Variants in TMEM200A observed in about 807,000 individuals in gnomAD.
TMEM200A encodes two transmembrane C.
A neutral mutation model predicts 24.3 loss-of-function variants in TMEM200A; 12 were observed. The ratio of observed to expected loss-of-function variants is 0.49; its 90% CI spans 0.32 to 0.80. TMEM200A has a LOEUF of 0.80. Among genes scored for constraint, TMEM200A ranks in the 30% least tolerant of loss-of-function variants. The pLI, the probability that TMEM200A is intolerant of heterozygous loss-of-function variation, is 0.04. For missense variants in TMEM200A, 545 were observed against 614.4 expected, an observed-to-expected ratio of 0.89 and a Z score of 1.19; for synonymous variants, 224 against 224.4, an observed-to-expected ratio of 1.00 and a Z score of 0.02.
chr6:130,434,641 A>T (rs996397208), intron 2 of TMEM200A, among the ~76,000 whole-genome samples: 2 of 152,208 alleles, frequency 1.3e-5, no homozygotes, highest in African/African-American at 4.8e-5. Context: ...TTTTAAGATT[A>T]GTATGAGAAC....
chr6:130,407,782 A>T (rs544503076), intron 2 of TMEM200A, among the ~76,000 whole-genome samples: 1 of 152,350 alleles, frequency 6.6e-6, no homozygotes, highest in South Asian at 2.1e-4. Flanking sequence ...AAAGTTATAT[A>T]AAGGGTCATA....
At chr6:130,437,100 G>A (rs1363481537) in intron 2 of TMEM200A, 1 of 152,084 alleles carries the variant, frequency 6.6e-6, no homozygotes, top group African/African-American at 2.4e-5. Flanking sequence ...CAACTCCATG[G>A]CAGATGTGTA....
chr6:130,366,188 C>T lies in TMEM200A; in HGVS notation c.-417C>T, dbSNP rs1266509823. On this transcript the variant is annotated 5_prime_UTR_variant, in exon 1 of 3. Coordinates refer to ENST00000296978, the MANE Select transcript of TMEM200A (RefSeq NM_001258277.2). The surrounding 1 kb of genome is among the most constrained non-coding windows in gnomAD (Gnocchi z 4.4). The stretch of plus-strand genomic sequence containing the variant: ...GGACTCTGCGCCCGGATGGCGGCGG[C>T]CCTCTGTGAGCACCGGCAGCGGCGC... 4.1e-6 allele frequency: 4 copies of T among 985,148 alleles called. No individual in the cohort carries two copies. Among genetic ancestry groups the T allele is most frequent in the East Asian group, 2.3e-4 (2 of 8,798 alleles). The allele number at this position is 985,148 out of a possible 1,614,324, so 61.0% of individuals were successfully genotyped here.
intron 2 of TMEM200A, among the ~76,000 whole-genome samples, chr6:130,405,134 A>G (rs1419645523): frequency 6.6e-6 from 1 of 152,110 alleles, no homozygotes; most frequent in Non-Finnish European, 1.5e-5. Context: ...TGCCTTGGCT[A>G]TTGGAGCTCT....
At chr6:130,396,959 T>G (rs922807079) in intron 2 of TMEM200A, among the ~76,000 whole-genome samples, 7 of 152,210 alleles carry the variant, frequency 4.6e-5, no homozygotes, top group Non-Finnish European at 8.8e-5. Context: ...ACTTTCTGTT[T>G]GTACTTACAA....
chr6:130,427,943 G>A (rs1013554487), intron 2 of TMEM200A, among the ~76,000 whole-genome samples: 2 of 152,080 alleles, frequency 1.3e-5, no homozygotes, highest in South Asian at 4.1e-4. Flanking sequence ...ATTATAAAGT[G>A]TAGAAGATAC....
chr6:130,385,063 C>G (rs1344638479), intron 1 of TMEM200A, 110 bp from the exon 2 acceptor site: 5 of 152,160 alleles, frequency 3.3e-5, no homozygotes, highest in Admixed American at 3.3e-4. Context: ...AGTAGTCAGA[C>G]AGAAAAAAGT....
intron 2 of TMEM200A, among the ~76,000 whole-genome samples, chr6:130,434,089 A>C (rs1779943198): frequency 6.6e-6 from 1 of 152,194 alleles, no homozygotes; most frequent in Non-Finnish European, 1.5e-5. Flanking sequence ...CCTTGAAATC[A>C]GGGATGAGGT....
Position 130,366,089 on chromosome 6 carries a change from C to A in TMEM200A, c.-516C>A. 1.0e-6 allele frequency: 1 copy of A among 985,694 alleles called. No homozygotes were observed. Among genetic ancestry groups the A allele is most frequent in the Non-Finnish European group, 1.2e-6 (1 of 830,162 alleles). The allele number at this position is 985,694 out of a possible 1,614,324, so 61.1% of individuals were successfully genotyped here. A position where few individuals can be genotyped will look rare whatever the true frequency, so the allele number is the denominator to read the frequency against. ...TTGTCTTTCTTGGACGCGGTGGCGG[C>A]GCCGCCTGAGCGGCGACTCCCTCTC... On this transcript the variant is annotated 5_prime_UTR_variant, in exon 1 of 3. Coordinates refer to ENST00000296978, the MANE Select transcript of TMEM200A (RefSeq NM_001258277.2). This position sits in a 1 kb window ranked among gnomAD's most constrained non-coding sequence, Gnocchi z 4.4.
chr6:130,435,564 C>T (rs561025799), intron 2 of TMEM200A, among the ~76,000 whole-genome samples: 10 of 152,292 alleles, frequency 6.6e-5, no homozygotes, highest in Admixed American at 2.0e-4. Flanking sequence ...TGGAATATCA[C>T]AGAGCTTTCT....
At chr6:130,412,518 C>A (rs1006639320) in intron 2 of TMEM200A, among the ~76,000 whole-genome samples, 14 of 152,170 alleles carry the variant, frequency 9.2e-5, no homozygotes, top group Admixed American at 2.6e-4. Context: ...TTGGCTTGGG[C>A]TCTGAAACTC....
At position 130,366,801 on chromosome 6, in the gene TMEM200A, C is replaced by G. The variant is rs1778169986; in HGVS notation, c.-81+277C>G. Among the ~76,000 whole-genome samples the G allele has an allele frequency of 6.6e-6, 1 of 152,234 alleles. No individual in the cohort carries two copies. The highest frequency in any genetic ancestry group is 6.5e-5 in the Admixed American group (1 of 15,290). On this transcript the variant is annotated intron_variant, in intron 1 of 2. Coordinates refer to ENST00000296978, the MANE Select transcript of TMEM200A (RefSeq NM_001258277.2). This position sits in a 1 kb window ranked among gnomAD's most constrained non-coding sequence, Gnocchi z 4.4. ...TGGCTGGGTTTCTCCAAGCAACACCCTCCTTTGTCTCGGTTCCTGAGAGTC... is the reference window on the plus strand; with the variant it reads ...TGGCTGGGTTTCTCCAAGCAACACCGTCCTTTGTCTCGGTTCCTGAGAGTC...
chr6:130,422,127 C>T (rs1779608072), intron 2 of TMEM200A, among the ~76,000 whole-genome samples: 1 of 152,010 alleles, frequency 6.6e-6, no homozygotes, highest in African/African-American at 2.4e-5. Flanking sequence ...TTTGAGGAAC[C>T]TTCATACTTT....
intron 2 of TMEM200A, among the ~76,000 whole-genome samples, chr6:130,428,324 A>G (rs1314269037): frequency 6.6e-6 from 1 of 152,114 alleles, no homozygotes; most frequent in Non-Finnish European, 1.5e-5. Context: ...ATGCTTTCAG[A>G]TATTTAATAT....
intron 2 of TMEM200A, among the ~76,000 whole-genome samples, chr6:130,429,734 A>G (rs888964228): frequency 9.2e-5 from 14 of 152,200 alleles, no homozygotes; most frequent in African/African-American, 3.1e-4. Flanking sequence ...ACTTGAAACC[A>G]TCCATGAACA....
chr6:130,367,524 A>G (rs1300378364), intron 1 of TMEM200A, among the ~76,000 whole-genome samples: 1 of 152,232 alleles, frequency 6.6e-6, no homozygotes, highest in Non-Finnish European at 1.5e-5. Context: ...TGAATTATGG[A>G]ACACTTATAA....
At chr6:130,404,993 C>T (rs1779173940) in intron 2 of TMEM200A, among the ~76,000 whole-genome samples, 1 of 152,100 alleles carries the variant, frequency 6.6e-6, no homozygotes, top group African/African-American at 2.4e-5. Context: ...TCTGGGATTT[C>T]TATTCTGTTC....
In TMEM200A at chr6:130,441,768, C is replaced by A. The variant is rs774128353; in HGVS notation, c.1346C>A (p.Ala449Asp). Residue 449 changes from alanine (A) to aspartate (D), a missense_variant, in exon 3 of 3, where the codon GCC (alanine) becomes GAC (aspartate). Coordinates refer to ENST00000296978, the MANE Select transcript of TMEM200A (RefSeq NM_001258277.2). The stretch of plus-strand genomic sequence containing the variant: ...GATAGGTTGCTTGTGCCCCAAGTTG[C>A]CATCAAAAAGGACTTTACCAATAAG... The part of the protein sequence containing the change: ...PMDRLLVPQV[A>D]IKKDFTNKEK... 1 of 1,613,912 alleles carries A rather than the reference C, an allele frequency of 6.2e-7. No homozygotes were observed. Among genetic ancestry groups the A allele is most frequent in the South Asian group, 1.1e-5 (1 of 91,068 alleles).
chr6:130,391,396 T>C (rs7761111), intron 2 of TMEM200A, among the ~76,000 whole-genome samples: 34,004 of 152,022 alleles, frequency 0.22, 4,864 homozygotes, highest in African/African-American at 0.4. Flanking sequence ...TGCCCCATCA[T>C]TGATATAATT....
Sources: gnomAD v4.1 joint callset for allele counts (sites outside exome capture counted in the v4.1 genomes callset) on GRCh38, gnomAD v4.1.1 for gene constraint, Gnocchi (gnomAD v3.1) non-coding constraint, MANE v1.5 for transcripts, NCBI Gene and HGNC (gene_info 2026-07-23, HGNC 2026-07-21) for gene names.